Variants in JPH1 observed in about 807,000 individuals in gnomAD.
JPH1 encodes junctophilin-1.
In JPH1, 12 loss-of-function variants were observed where a neutral mutation model predicts 53.6. The observed-to-expected ratio is 0.22, with a 90% CI of 0.14 to 0.36. The LOEUF is 0.36. JPH1 is among the 10% of genes least tolerant of loss of function. JPH1 has a pLI of 1.00. For synonymous variants in JPH1, 375 were observed against 363.8 expected (o/e 1.03, Z -0.35); for missense variants, 808 against 905.5 (o/e 0.89, Z 1.38).
At chr8:74,274,139 T>G (rs1348450822) in intron 2 of JPH1, among the ~76,000 whole-genome samples, 13 of 152,202 alleles carry the variant, frequency 8.5e-5, no homozygotes, top group Non-Finnish European at 1.5e-5. Flanking sequence ...TGAATCAAGC[T>G]GTGAGATTCT....
At chr8:74,237,406 G>A (rs1462807719) in intron 4 of JPH1, 103 bp from the exon 5 acceptor site, 6 of 882,364 alleles carry the variant, frequency 6.8e-6, no homozygotes, top group Admixed American at 2.2e-5. Context: ...CATGATTGCA[G>A]TAAATAAGGC....
At chr8:74,286,694 T>C (rs920132436) in intron 2 of JPH1, among the ~76,000 whole-genome samples, 3 of 152,252 alleles carry the variant, frequency 2.0e-5, no homozygotes, top group Non-Finnish European at 2.9e-5. Flanking sequence ...GATACATGCT[T>C]ACTTATTTCT....
At position 74,315,570 on chromosome 8, in the gene JPH1, G is replaced by A; in HGVS notation, c.430C>T (p.Arg144Cys). ...GCCATGCCGTAGGGCACGCTCTGGCGCACGCCGTAGCCATGCCGCATGCCT... is the reference window on the plus strand; with the variant it reads ...GCCATGCCGTAGGGCACGCTCTGGCACACGCCGTAGCCATGCCGCATGCCT... Reference protein sequence around the residue: ...AGGMRHGYGVRQSVPYGMATV... With the variant: ...AGGMRHGYGVCQSVPYGMATV... The change falls in exon 2 of 6, where the codon CGC becomes TGC. Residue 144 changes from arginine (R) to cysteine (C), a missense_variant. Transcript: ENST00000342232. This position sits in a 1 kb window ranked among gnomAD's most constrained non-coding sequence, Gnocchi z 6.3. 6.2e-7 allele frequency: 1 copy of A among 1,605,094 alleles called. No homozygotes were observed. Among genetic ancestry groups the A allele is most frequent in the Non-Finnish European group, 8.5e-7 (1 of 1,178,458 alleles).
At chr8:74,253,375 T>C (rs1182471921) in intron 3 of JPH1, among the ~76,000 whole-genome samples, 3 of 152,100 alleles carry the variant, frequency 2.0e-5, no homozygotes, top group Non-Finnish European at 4.4e-5. Flanking sequence ...CCAGAATCTC[T>C]GGGACACATT....
At chr8:74,302,287 G>A (rs1255757136) in intron 2 of JPH1, among the ~76,000 whole-genome samples, 1 of 152,112 alleles carries the variant, frequency 6.6e-6, no homozygotes, top group Admixed American at 6.6e-5. Flanking sequence ...TTCCTTATCT[G>A]GAAACACTGC....
chr8:74,320,045 C>A lies in JPH1; in HGVS notation c.379+864G>T, dbSNP rs1409742377. On this transcript the variant is annotated intron_variant, in intron 1 of 5. Transcript: ENST00000342232. The surrounding 1 kb of genome is among the most constrained non-coding windows in gnomAD (Gnocchi z 4.4). ...GCCAGGAATACTGGCTTAGGTCACA[C>A]ATAATGCAAATTATTGTTTCAGTAT... 6.6e-6 allele frequency among the ~76,000 whole-genome samples: 1 copy of A among 152,204 alleles called. No homozygotes were observed. Among genetic ancestry groups the A allele is most frequent in the East Asian group, 1.9e-4 (1 of 5,196 alleles).
intron 2 of JPH1, among the ~76,000 whole-genome samples, chr8:74,283,011 G>C (rs1403813878): frequency 6.6e-6 from 1 of 152,040 alleles, no homozygotes; most frequent in Non-Finnish European, 1.5e-5. Context: ...TTAATGAAGG[G>C]CATCTTGACT....
At chr8:74,273,896 T>C (rs967721104) in intron 2 of JPH1, among the ~76,000 whole-genome samples, 1 of 152,194 alleles carries the variant, frequency 6.6e-6, no homozygotes, top group South Asian at 2.1e-4. Flanking sequence ...TCTTATCTTC[T>C]GTTGTTACTT....
In JPH1 at chr8:74,320,884, C is replaced by T; in HGVS notation, c.379+25G>A. 1 of 1,492,268 alleles carries T rather than the reference C, an allele frequency of 6.7e-7. No individual in the cohort carries two copies. The highest frequency in any genetic ancestry group is 8.9e-7 in the Non-Finnish European group (1 of 1,122,244). The allele number at this position is 1,492,268 out of a possible 1,614,324, so 92.4% of individuals were successfully genotyped here. ...CCCACCGCACCAGCTCGCGGAGCAG[C>T]CGAGCCGCCCGTTACGCCGCTCACC... On this transcript the variant is annotated intron_variant, in intron 1 of 5. Coordinates refer to ENST00000342232, the MANE Select transcript of JPH1 (RefSeq NM_020647.4). This position sits in a 1 kb window ranked among gnomAD's most constrained non-coding sequence, Gnocchi z 4.4.
In JPH1 at chr8:74,293,864, C is replaced by G. The variant is rs1054586135; in HGVS notation, c.1139+20997G>C. ...ATATTTCTGGCAAAAATAGGATAGT[C>G]TGGACCCAACTTTTGGAAGACAAAG... On this transcript the variant is annotated intron_variant, in intron 2 of 5. Coordinates refer to ENST00000342232, the MANE Select transcript of JPH1 (RefSeq NM_020647.4). 2.0e-5 allele frequency among the ~76,000 whole-genome samples: 3 copies of G among 152,288 alleles called. 1 individual carries two copies. Among genetic ancestry groups the G allele is most frequent in the African/African-American group, 7.2e-5 (3 of 41,552 alleles).
At chr8:74,273,438 C>A (rs911651405) in intron 2 of JPH1, among the ~76,000 whole-genome samples, 1 of 152,036 alleles carries the variant, frequency 6.6e-6, no homozygotes, top group African/African-American at 2.4e-5. Context: ...ACAAGAAAAA[C>A]TAATCAACAA....
At chr8:74,296,921 T>C (rs934542573) in intron 2 of JPH1, among the ~76,000 whole-genome samples, 4 of 152,212 alleles carry the variant, frequency 2.6e-5, no homozygotes, top group Non-Finnish European at 1.5e-5. Context: ...AGTCCACGTA[T>C]AGACAGAAAG....
chr8:74,267,085 T>G (rs923619290), intron 2 of JPH1, among the ~76,000 whole-genome samples: 1 of 152,206 alleles, frequency 6.6e-6, no homozygotes, highest in African/African-American at 2.4e-5. Flanking sequence ...ATGACCTCAC[T>G]ATGGTCTGAG....
intron 3 of JPH1, among the ~76,000 whole-genome samples, chr8:74,257,403 C>T (rs1319359174): frequency 6.6e-6 from 1 of 152,132 alleles, no homozygotes; most frequent in Non-Finnish European, 1.5e-5. Context: ...CTTGTTAACA[C>T]CTGATAGAAA....
intron 4 of JPH1, among the ~76,000 whole-genome samples, chr8:74,238,274 G>A (rs1401418409): frequency 1.3e-5 from 2 of 152,146 alleles, no homozygotes; most frequent in Non-Finnish European, 2.9e-5. Flanking sequence ...GGCCTCAAAA[G>A]TATTGATGTT....
intron 2 of JPH1, among the ~76,000 whole-genome samples, chr8:74,265,064 C>A (rs1050260337): frequency 5.3e-5 from 8 of 152,158 alleles, no homozygotes; most frequent in Non-Finnish European, 1.2e-4. Context: ...CCCCCAAAAT[C>A]AGGAATTCTA....
At chr8:74,304,664 G>GA (rs11390131) in intron 2 of JPH1, among the ~76,000 whole-genome samples, 152,342 of 152,354 alleles carry the variant, frequency 1, 76,165 homozygotes, top group Middle Eastern at 1. Context: ...CATTGATAGG[G>GA]TTTCTAGACC....
intron 2 of JPH1, among the ~76,000 whole-genome samples, chr8:74,300,804 C>T (rs1280412933): frequency 6.6e-6 from 1 of 152,144 alleles, no homozygotes; most frequent in Non-Finnish European, 1.5e-5. Context: ...GATCCAAACT[C>T]AGGTTTTCTG....
rs1205038564 is a variant in JPH1 at position 74,314,881 on chromosome 8, T to C, written c.1119A>G (p.Lys373=). Reference sequence around the variant, plus strand: ...CTTACCTTGAATTTGCTATTTCCACTTTGGTTCTGGCCATGGCAGCTGCCC... The same window carrying C: ...CTTACCTTGAATTTGCTATTTCCACCTTGGTTCTGGCCATGGCAGCTGCCC... ...AQRAAAMART[K]VEIANSRTAH... is the part of the protein sequence containing the mutation. The change falls in exon 2 of 6, where the codon AAA becomes AAG. Residue 373 remains lysine, a synonymous_variant. Coordinates refer to ENST00000342232, the MANE Select transcript of JPH1 (RefSeq NM_020647.4). 6.2e-7 allele frequency: 1 copy of C among 1,614,172 alleles called. No homozygotes were observed. Among genetic ancestry groups the C allele is most frequent in the South Asian group, 1.1e-5 (1 of 91,070 alleles).
Sources: allele counts gnomAD v4.1 joint callset (sites outside exome capture counted in the v4.1 genomes callset), GRCh38; gene constraint gnomAD v4.1.1; non-coding constraint Gnocchi (gnomAD v3.1); transcripts MANE v1.5; gene names NCBI Gene and HGNC (gene_info 2026-07-23, HGNC 2026-07-21).